The following SEL1L2 variants were observed in gnomAD, a reference collection of about 807,000 sequenced individuals.
SEL1L2 encodes the protein protein sel-1 homolog 2.
Under a neutral mutation model 98.8 loss-of-function variants are expected in SEL1L2, and 89 were observed. That is an observed-to-expected ratio of 0.90 (90% CI 0.76 to 1.07). The LOEUF (loss-of-function observed/expected upper bound fraction) is 1.07, where lower values mean the gene tolerates loss of function less well. Among genes scored for constraint, SEL1L2 ranks in the 50% least tolerant of loss-of-function variants. The pLI, the probability that SEL1L2 is intolerant of heterozygous loss-of-function variation, is 0.00. For synonymous variants in SEL1L2, 262 were observed against 278.5 expected (o/e 0.94, Z 0.59); for missense variants, 788 against 812.0 (o/e 0.97, Z 0.36).
chr20:13,920,227 CAAAA>C (rs4052973), intron 3 of SEL1L2, among the ~76,000 whole-genome samples: 2 of 103,154 alleles, frequency 1.9e-5, no homozygotes, highest in East Asian at 2.7e-4. Context: ...GACTCCGTCC[CAAAA>C]AAAAAAAAAA....
intron 2 of SEL1L2, among the ~76,000 whole-genome samples, chr20:13,946,256 C>CA (rs968981572): frequency 6.6e-6 from 1 of 151,932 alleles, no homozygotes; most frequent in Non-Finnish European, 1.5e-5. Context: ...AGATTCTACA[C>CA]AAAAAAACTG....
chr20:13,946,913 G>A (rs2050038512), intron 2 of SEL1L2, among the ~76,000 whole-genome samples: 2 of 152,232 alleles, frequency 1.3e-5, no homozygotes, highest in South Asian at 4.1e-4. Context: ...CAGCCCCTCT[G>A]GACTTTGGGC....
At chr20:13,915,220 C>T (rs1401180817) in intron 4 of SEL1L2, 9 of 1,289,354 alleles carry the variant, frequency 7.0e-6, no homozygotes, top group Middle Eastern at 2.1e-4. Context: ...GACAGAGAAA[C>T]ATCCAGGTAG....
At position 13,887,925 on chromosome 20, in the gene SEL1L2, A is replaced by T. The variant is rs779366804; in HGVS notation, c.663+17T>A. The T allele has an allele frequency of 5.6e-6, 9 of 1,613,278 alleles. No individual in the cohort carries two copies. The East Asian group carries it at 1.6e-4, about 28-fold the overall frequency. On this transcript the variant is annotated intron_variant, in intron 7 of 19. Coordinates refer to ENST00000284951, the MANE Select transcript of SEL1L2 (RefSeq NM_025229.2). ...ATGGCATACAAATTTGGTTCCAAGA[A>T]TATTTTGTTTACAAACCAAAATCAT...
In SEL1L2 at chr20:13,866,791, G is replaced by C. The variant is rs1991113685; in HGVS notation, c.1315C>G (p.Gln439Glu). 6.2e-7 allele frequency: 1 copy of C among 1,613,026 alleles called. No individual in the cohort carries two copies. Among genetic ancestry groups the C allele is most frequent in the Non-Finnish European group, 8.5e-7 (1 of 1,179,594 alleles). ...LAFKYFYLASQSGQPLAIYYL... is the reference protein window; with the variant it reads ...LAFKYFYLASESGQPLAIYYL... Reference sequence around the variant, plus strand: ...TAAATGGCAAGGGGCTGCCCACTCTGAGATGCCAGGTAAAAATATTTGAAG... The same window carrying C: ...TAAATGGCAAGGGGCTGCCCACTCTCAGATGCCAGGTAAAAATATTTGAAG... Residue 439 changes from glutamine to glutamate, a missense_variant, in exon 15 of 20, where the codon CAG becomes GAG. By Grantham distance (29) the Gln-to-Glu change is conservative (BLOSUM62 2). Coordinates refer to ENST00000284951, the MANE Select transcript of SEL1L2 (RefSeq NM_025229.2).
intron 1 of SEL1L2, among the ~76,000 whole-genome samples, chr20:13,958,075 T>C (rs1188916204): frequency 6.6e-6 from 1 of 152,196 alleles, no homozygotes; most frequent in African/African-American, 2.4e-5. Flanking sequence ...ATTGGGACCA[T>C]GAATACTCAA....
At chr20:13,994,446 A>T (rs2052595238), upstream of SEL1L2, among the ~76,000 whole-genome samples, 1 of 150,752 alleles carries the variant, frequency 6.6e-6, no homozygotes, top group African/African-American at 2.4e-5. Flanking sequence ...CTCTTCTATT[A>T]TTTTTTAAAA....
chr20:13,870,237 A>C (rs927833437), intron 12 of SEL1L2, 34 bp from the exon 13 acceptor site: 3 of 1,529,404 alleles, frequency 2.0e-6, no homozygotes, highest in Middle Eastern at 1.7e-4. Context: ...GTAAAGTCCC[A>C]GAAGAATTCA....
At chr20:13,988,305 T>C (rs1467572940) in intron 1 of SEL1L2, among the ~76,000 whole-genome samples, 1 of 152,206 alleles carries the variant, frequency 6.6e-6, no homozygotes, top group Non-Finnish European at 1.5e-5. Flanking sequence ...CCCAAAGCGC[T>C]GGGATTACAG....
At chr20:13,860,281 C>A (rs1980547) in intron 17 of SEL1L2, among the ~76,000 whole-genome samples, 15 of 152,160 alleles carry the variant, frequency 9.9e-5, no homozygotes, top group Non-Finnish European at 1.5e-4. Flanking sequence ...TTACACTGAA[C>A]CTTTTCAAAA....
chr20:13,907,709 T>TCTTTCTTG (rs1343302551), intron 5 of SEL1L2, among the ~76,000 whole-genome samples: 12 of 93,018 alleles, frequency 1.3e-4, no homozygotes, highest in Admixed American at 2.3e-4. Flanking sequence ...TCTCTTTCTT[T>TCTTTCTTG]CTTTCTTTCT....
intron 2 of SEL1L2, among the ~76,000 whole-genome samples, chr20:13,936,566 T>C (rs79726185): frequency 0.023 from 3,490 of 152,248 alleles, 146 homozygotes; most frequent in African/African-American, 0.077. Context: ...TTGGATTCAG[T>C]GCATAAAGAC....
At chr20:13,948,441 A>C (rs2050117261) in intron 2 of SEL1L2, among the ~76,000 whole-genome samples, 2 of 152,226 alleles carry the variant, frequency 1.3e-5, no homozygotes, top group Admixed American at 6.5e-5. Context: ...TAGAAAGCCC[A>C]GAAATAAAGC....
rs561469021 is a variant in SEL1L2, at chr20:13,971,054, A to C, written c.59-14923T>G. 2.0e-5 allele frequency among the ~76,000 whole-genome samples: 3 copies of C among 151,278 alleles called. No homozygotes were observed. The South Asian group carries it at 6.3e-4, about 32-fold the overall frequency. On this transcript the variant is annotated intron_variant, in intron 1 of 19. Transcript: ENST00000284951. ...TACTGGTACAGTTAACCATCTTTTC[A>C]CATTTGGGAGCATTTATATTTCCTC...
At chr20:13,857,300 A>G (rs1047764560) in intron 18 of SEL1L2, among the ~76,000 whole-genome samples, 1 of 152,162 alleles carries the variant, frequency 6.6e-6, no homozygotes, top group Non-Finnish European at 1.5e-5. Context: ...ATGATTTAAC[A>G]AGAACCCTGG....
At chr20:13,965,868 G>T (rs1424937859) in intron 1 of SEL1L2, among the ~76,000 whole-genome samples, 1 of 150,600 alleles carries the variant, frequency 6.6e-6, no homozygotes, top group African/African-American at 2.4e-5. Context: ...CAGGAGAATC[G>T]CTTGAACCTG....
intron 2 of SEL1L2, among the ~76,000 whole-genome samples, chr20:13,940,120 C>T (rs2049688300): frequency 6.6e-6 from 1 of 152,150 alleles, no homozygotes; most frequent in South Asian, 2.1e-4. Context: ...GTAAGAAATA[C>T]AGCAACCAGT....
intron 3 of SEL1L2, among the ~76,000 whole-genome samples, chr20:13,925,986 T>C (rs1283926350): frequency 6.6e-6 from 1 of 152,234 alleles, no homozygotes; most frequent in Non-Finnish European, 1.5e-5. Flanking sequence ...GTTGGGCTCC[T>C]TGATAAGCAG....
intron 3 of SEL1L2, among the ~76,000 whole-genome samples, chr20:13,921,032 C>A (rs2048644099): frequency 6.6e-6 from 1 of 152,046 alleles, no homozygotes; most frequent in Admixed American, 6.5e-5. Flanking sequence ...ATAATAGCTC[C>A]TATGAAAATG....
Sources: allele counts gnomAD v4.1 joint callset (sites outside exome capture counted in the v4.1 genomes callset), GRCh38; gene constraint gnomAD v4.1.1; transcripts MANE v1.5; gene names NCBI Gene and HGNC (gene_info 2026-07-23, HGNC 2026-07-21).